Variants in MED26 observed in about 807,000 individuals in gnomAD.
The protein encoded by MED26 is mediator of RNA polymerase II transcription subunit 26.
Under a neutral mutation model 43.7 loss-of-function variants are expected in MED26, and 7 were observed. The observed-to-expected ratio is 0.16, with a 90% CI of 0.09 to 0.30. The LOEUF is 0.30. MED26 is among the 10% of genes least tolerant of loss of function. MED26 has a pLI of 1.00. For synonymous variants in MED26, 375 were observed against 371.1 expected, an observed-to-expected ratio of 1.01 and a Z score of -0.12; for missense variants, 784 against 840.6, an observed-to-expected ratio of 0.93 and a Z score of 0.83.
intron 1 of MED26, among the ~76,000 whole-genome samples, chr19:16,620,668 C>T (rs555606819): frequency 8.5e-5 from 13 of 152,170 alleles, no homozygotes; most frequent in East Asian, 1.9e-4. Flanking sequence ...CTGAGGGAGA[C>T]GGTCTTGGAT....
At chr19:16,618,350 G>T (rs563121229) in intron 1 of MED26, among the ~76,000 whole-genome samples, 4 of 152,144 alleles carry the variant, frequency 2.6e-5, no homozygotes, top group Non-Finnish European at 5.9e-5. Flanking sequence ...AGACTGTCAA[G>T]ACAGGGAGGA....
intron 1 of MED26, among the ~76,000 whole-genome samples, chr19:16,621,447 C>T (rs190945182): frequency 2.6e-4 from 39 of 152,320 alleles, no homozygotes; most frequent in Admixed American, 2.4e-3. Flanking sequence ...GCAGGGGAAA[C>T]CTGATGAGCC....
chr19:16,620,727 G>A (rs541063858), intron 1 of MED26, among the ~76,000 whole-genome samples: 3 of 152,320 alleles, frequency 2.0e-5, no homozygotes, highest in African/African-American at 7.2e-5. Context: ...ATGACAGGAG[G>A]CTCCCAACTG....
At chr19:16,581,712 C>A (rs752983661) in intron 1 of MED26, among the ~76,000 whole-genome samples, 1 of 152,248 alleles carries the variant, frequency 6.6e-6, no homozygotes, top group Non-Finnish European at 1.5e-5. Flanking sequence ...CAAGAGTCTC[C>A]TGGAAACTGT....
Position 16,577,784 on chromosome 19 carries a change from T to G in MED26, c.148-102A>C. ...TGGCCCTGACAGTGAAATGACCCGG[T>G]TCCCACTGAGCCCTAAACTGCCAGC... On this transcript the variant is annotated intron_variant, in intron 2 of 2. Coordinates refer to ENST00000263390, the MANE Select transcript of MED26 (RefSeq NM_004831.5). This position sits in a 1 kb window ranked among gnomAD's most constrained non-coding sequence, Gnocchi z 8.1. 1.1e-6 allele frequency: 1 copy of G among 883,808 alleles called. No homozygotes were observed. The highest frequency in any genetic ancestry group is 1.7e-6 in the Non-Finnish European group (1 of 588,952). The allele number at this position is 883,808 out of a possible 1,614,324, so 54.7% of individuals were successfully genotyped here. A position where few individuals can be genotyped will look rare whatever the true frequency, so the allele number is the denominator to read the frequency against.
chr19:16,612,498 T>C (rs929047838), intron 1 of MED26, among the ~76,000 whole-genome samples: 20 of 150,340 alleles, frequency 1.3e-4, no homozygotes, highest in Non-Finnish European at 3.0e-5. Context: ...GTTGCCAAGG[T>C]TGGTCTCAAA....
At chr19:16,592,595 G>A (rs890652095) in intron 1 of MED26, among the ~76,000 whole-genome samples, 4 of 152,166 alleles carry the variant, frequency 2.6e-5, no homozygotes, top group South Asian at 2.1e-4. Flanking sequence ...TCACCCGCTC[G>A]CCTAGGCATG....
chr19:16,590,201 G>A (rs1278432040), intron 1 of MED26, among the ~76,000 whole-genome samples: 1 of 152,222 alleles, frequency 6.6e-6, no homozygotes, highest in African/African-American at 2.4e-5. Context: ...CACCCTGCAG[G>A]GCACTGGGGT....
Position 16,600,529 on chromosome 19 carries a change from G to A in MED26, c.73-22120C>T, listed in dbSNP as rs1200221374. ...TCTCCCCACAGACCCCAGAGGCCCTGTGAGGAAGCCTCAACCTCACTTTCT... is the reference window on the plus strand; with the variant it reads ...TCTCCCCACAGACCCCAGAGGCCCTATGAGGAAGCCTCAACCTCACTTTCT... On this transcript the variant is annotated intron_variant, in intron 1 of 2. Transcript: ENST00000263390. 2.0e-5 allele frequency among the ~76,000 whole-genome samples: 3 copies of A among 152,108 alleles called. No individual in the cohort carries two copies. In the East Asian group the frequency reaches 5.8e-4, roughly 29 times the overall value.
chr19:16,605,702 T>C (rs1279195225), intron 1 of MED26, among the ~76,000 whole-genome samples: 1 of 152,066 alleles, frequency 6.6e-6, no homozygotes, highest in Non-Finnish European at 1.5e-5. Flanking sequence ...GTGGGAGACA[T>C]GGCTTGGTGA....
chr19:16,604,630 A>G (rs761242406), intron 1 of MED26, among the ~76,000 whole-genome samples: 3 of 152,188 alleles, frequency 2.0e-5, no homozygotes. Flanking sequence ...GTACACAAGG[A>G]TATCAGAGAC....
intron 1 of MED26, among the ~76,000 whole-genome samples, chr19:16,625,498 C>T (rs1405594468): frequency 2.0e-5 from 3 of 151,058 alleles, no homozygotes; most frequent in Non-Finnish European, 4.4e-5. Flanking sequence ...CCGCTTCTCT[C>T]AGAAGAGGTT....
At chr19:16,600,687 C>G (rs1458345845) in intron 1 of MED26, among the ~76,000 whole-genome samples, 1 of 152,130 alleles carries the variant, frequency 6.6e-6, no homozygotes, top group African/African-American at 2.4e-5. Context: ...CTGCTCCTCC[C>G]AAAGAGAATC....
At chr19:16,600,419 C>T (rs2086143366) in intron 1 of MED26, among the ~76,000 whole-genome samples, 1 of 152,222 alleles carries the variant, frequency 6.6e-6, no homozygotes, top group Non-Finnish European at 1.5e-5. Context: ...GCAGGGGGGC[C>T]TGCCCTCTCC....
In MED26 at chr19:16,576,869, G is replaced by A. The variant is rs911662571; in HGVS notation, c.961C>T (p.Pro321Ser). Residue 321 changes from proline to serine, a missense_variant, in exon 3 of 3, where the codon CCG becomes TCG. Pro to Ser is a moderately conservative substitution (Grantham distance 74). Coordinates refer to ENST00000263390, the MANE Select transcript of MED26 (RefSeq NM_004831.5). The surrounding 1 kb of genome is among the most constrained non-coding windows in gnomAD (Gnocchi z 6.8). ...QVPSPLPLAQ[P>S]STPPVRRLEL... ...AGCCGCCGTACGGGGGGTGTGGACG[G>A]CTGTGCCAGTGGAAGCGGTGACGGC... The A allele has an allele frequency of 1.2e-6, 2 of 1,610,262 alleles. No individual in the cohort carries two copies. Among genetic ancestry groups the A allele is most frequent in the Non-Finnish European group, 1.7e-6 (2 of 1,178,198 alleles).
chr19:16,595,991 A>G (rs1365750573), intron 1 of MED26, among the ~76,000 whole-genome samples: 1 of 152,168 alleles, frequency 6.6e-6, no homozygotes, highest in Non-Finnish European at 1.5e-5. Context: ...TGTCATGGCA[A>G]CTGGTACTGC....
intron 1 of MED26, among the ~76,000 whole-genome samples, chr19:16,600,849 C>G (rs1267331458): frequency 1.3e-5 from 2 of 152,192 alleles, no homozygotes; most frequent in Non-Finnish European, 2.9e-5. Flanking sequence ...AATCCCAACA[C>G]TTTGGGAGGC....
At chr19:16,625,091 C>T (rs769413417) in intron 1 of MED26, among the ~76,000 whole-genome samples, 21 of 152,154 alleles carry the variant, frequency 1.4e-4, no homozygotes, top group Admixed American at 5.2e-4. Flanking sequence ...GCACACACTG[C>T]GCTTCGGAGA....
intron 1 of MED26, among the ~76,000 whole-genome samples, chr19:16,581,745 G>T (rs560777632): frequency 6.6e-6 from 1 of 152,240 alleles, no homozygotes; most frequent in Non-Finnish European, 1.5e-5. Flanking sequence ...GACACCAGGC[G>T]AAGGTGTGAG....
Sources: gnomAD v4.1 joint callset for allele counts (sites outside exome capture counted in the v4.1 genomes callset) on GRCh38, gnomAD v4.1.1 for gene constraint, Gnocchi (gnomAD v3.1) non-coding constraint, MANE v1.5 for transcripts, NCBI Gene and HGNC (gene_info 2026-07-23, HGNC 2026-07-21) for gene names.